CREBBP: variants seen among roughly 807,000 people sequenced by gnomAD.
CREBBP encodes CREB binding lysine acetyltransferase.
In CREBBP, 19 loss-of-function variants were observed where a neutral mutation model predicts 265.0. That is an observed-to-expected ratio of 0.07 (90% confidence interval 0.05 to 0.11). The LOEUF is 0.11. CREBBP is among the 10% of genes least tolerant of loss of function. CREBBP has a pLI of 1.00. For missense variants in CREBBP, 2,525 were observed against 3,219.0 expected, an observed-to-expected ratio of 0.78 and a Z score of 5.22; for synonymous variants, 1,457 against 1,223.7, an observed-to-expected ratio of 1.19 and a Z score of -3.98.
rs373916567 is a variant in CREBBP, at chr16:3,739,550, C to G, written c.4280+28G>C. 4.7e-5 allele frequency: 76 copies of G among 1,614,080 alleles called. No homozygotes were observed. In the African/African-American group the frequency reaches 9.2e-4, roughly 20 times the overall value. On this transcript the variant is annotated intron_variant, in intron 25 of 30. Coordinates refer to ENST00000262367, the MANE Select transcript of CREBBP (RefSeq NM_004380.3). ...TATCCTAACACGGCTCACTGAATGA[C>G]ACGCCCTGGAAGGAGCTGGAAAACT...
chr16:3,759,001 T>G (rs1197659320), intron 16 of CREBBP, 29 bp from the exon 17 acceptor site: 4 of 1,543,242 alleles, frequency 2.6e-6, no homozygotes, highest in Non-Finnish European at 2.7e-6. Flanking sequence ...GAAAAGACAC[T>G]TTGTAAAAGG....
At position 3,727,892 on chromosome 16, in the gene CREBBP, G is replaced by T. The variant is rs763948946; in HGVS notation, c.7155C>A (p.Pro2385=). ...HVSPQTGSPH[P]GLAVTMASSI... ...AGCTGGCCATGGTGACTGCGAGTCCGGGGTGGGGGGAACCAGTCTGGGGTG... is the reference window on the plus strand; with the variant it reads ...AGCTGGCCATGGTGACTGCGAGTCCTGGGTGGGGGGAACCAGTCTGGGGTG... Residue 2385 remains proline (P), a synonymous_variant, in exon 31 of 31, where the codon CCC becomes CCA. Transcript: ENST00000262367. The T allele has an allele frequency of 6.2e-7, 1 of 1,613,144 alleles. No individual in the cohort carries two copies. Among genetic ancestry groups the T allele is most frequent in the Admixed American group, 1.7e-5 (1 of 59,988 alleles).
At chr16:3,832,637 T>C (rs557975581) in intron 2 of CREBBP, among the ~76,000 whole-genome samples, 49 of 152,326 alleles carry the variant, frequency 3.2e-4, no homozygotes, top group African/African-American at 1.1e-3. Context: ...AAATTGTAAG[T>C]ATTTGTGTAT....
chr16:3,758,111 C>T, intron 17 of CREBBP, 63 bp from the exon 18 acceptor site: 4 of 1,570,446 alleles, frequency 2.5e-6, no homozygotes, highest in African/African-American at 1.4e-5. Flanking sequence ...CCAGTCTCAT[C>T]TGGCAGCTTT....
intron 2 of CREBBP, among the ~76,000 whole-genome samples, chr16:3,818,452 C>A (rs139824197): frequency 6.6e-6 from 1 of 151,876 alleles, no homozygotes; most frequent in Non-Finnish European, 1.5e-5. Context: ...GGACTACAGG[C>A]GCGTGCCACC....
chr16:3,856,636 A>C (rs1199122381), intron 1 of CREBBP, among the ~76,000 whole-genome samples: 1 of 152,204 alleles, frequency 6.6e-6, no homozygotes, highest in Admixed American at 6.5e-5. Flanking sequence ...TACTTTTAAA[A>C]ATGCAGTGTT....
intron 3 of CREBBP, among the ~76,000 whole-genome samples, chr16:3,797,030 A>G (rs1447947843): frequency 6.6e-6 from 1 of 152,160 alleles, no homozygotes; most frequent in Non-Finnish European, 1.5e-5. Flanking sequence ...GTGTTCAATG[A>G]GCCATGAGAG....
chr16:3,790,616 T>C (rs1385668602), intron 5 of CREBBP, among the ~76,000 whole-genome samples: 2 of 152,042 alleles, frequency 1.3e-5, no homozygotes, highest in Admixed American at 6.5e-5. Context: ...TCCCAAAGTG[T>C]TGGGATTACA....
chr16:3,861,143 G>A (rs753857124), intron 1 of CREBBP, among the ~76,000 whole-genome samples: 2 of 152,072 alleles, frequency 1.3e-5, no homozygotes, highest in Non-Finnish European at 2.9e-5. Context: ...TTAGCTGGGC[G>A]TGGTGGCAGG....
chr16:3,877,997 C>A (rs1021229084), intron 1 of CREBBP, among the ~76,000 whole-genome samples: 1 of 152,234 alleles, frequency 6.6e-6, no homozygotes, highest in Non-Finnish European at 1.5e-5. Context: ...ATAATGGACA[C>A]TACTATGGAA....
rs2052069630 is a variant in CREBBP at position 3,736,671 on chromosome 16, C to T, written c.4539G>A (p.Glu1513=). Residue 1513 remains glutamate, a synonymous_variant, in exon 27 of 31, where the codon GAG becomes GAA. Transcript: ENST00000262367. ...GTACCTTGTAGTCATGGATGATCCG[C>T]TCTGCAAACGCCTTGTCCAGCATCT... ...YKKMLDKAFA[E]RIIHDYKDIF... 1 of 1,614,122 alleles carries T rather than the reference C, an allele frequency of 6.2e-7. No homozygotes were observed. The highest frequency in any genetic ancestry group is 1.3e-5 in the African/African-American group (1 of 74,948).
chr16:3,801,868 G>T (rs2053720604), intron 3 of CREBBP, among the ~76,000 whole-genome samples: 1 of 152,102 alleles, frequency 6.6e-6, no homozygotes, highest in African/African-American at 2.4e-5. Flanking sequence ...TGAGTATGGT[G>T]TGAGAGCCAT....
At chr16:3,873,534 A>T (rs2055341767) in intron 1 of CREBBP, among the ~76,000 whole-genome samples, 1 of 152,220 alleles carries the variant, frequency 6.6e-6, no homozygotes, top group Non-Finnish European at 1.5e-5. Flanking sequence ...TAGCACTCCC[A>T]GTAAGTCCTA....
At chr16:3,826,350 AC>A (rs2054236848) in intron 2 of CREBBP, among the ~76,000 whole-genome samples, 1 of 152,220 alleles carries the variant, frequency 6.6e-6, no homozygotes, top group Non-Finnish European at 1.5e-5. Flanking sequence ...TTATGTAGAC[AC>A]TTTGCCTAAA....
chr16:3,875,027 T>C (rs1266750477), intron 1 of CREBBP, among the ~76,000 whole-genome samples: 1 of 152,188 alleles, frequency 6.6e-6, no homozygotes, highest in East Asian at 1.9e-4. Context: ...AGTCAGCAAT[T>C]ATGGACCCCC....
intron 2 of CREBBP, among the ~76,000 whole-genome samples, chr16:3,833,770 T>C: frequency 6.6e-6 from 1 of 152,212 alleles, no homozygotes; most frequent in Non-Finnish European, 1.5e-5. Context: ...CTATGAAACT[T>C]TTGTGATTGA....
chr16:3,739,860 A>T, intron 24 of CREBBP, 136 bp from the exon 25 acceptor site: 2 of 1,236,372 alleles, frequency 1.6e-6, no homozygotes, highest in Non-Finnish European at 2.3e-6. Flanking sequence ...CGTGGCCTGG[A>T]GTCCTCCCTA....
intron 2 of CREBBP, among the ~76,000 whole-genome samples, chr16:3,815,678 A>C (rs1372014219): frequency 2.0e-5 from 3 of 151,556 alleles, no homozygotes; most frequent in Admixed American, 2.0e-4. Context: ...TGGGAGGTAC[A>C]TAGTAGGTAT....
At chr16:3,875,319 A>C (rs1240067100) in intron 1 of CREBBP, among the ~76,000 whole-genome samples, 1 of 152,204 alleles carries the variant, frequency 6.6e-6, no homozygotes, top group African/African-American at 2.4e-5. Flanking sequence ...AGTTATTCAA[A>C]AACGAAGCAC....
Sources: gnomAD v4.1 joint callset for allele counts (sites outside exome capture counted in the v4.1 genomes callset) on GRCh38, gnomAD v4.1.1 for gene constraint, MANE v1.5 for transcripts, NCBI Gene and HGNC (gene_info 2026-07-23, HGNC 2026-07-21) for gene names.